The following DST variants were observed in gnomAD, a reference collection of about 807,000 sequenced individuals.
DST encodes the protein bullous pemphigoid antigen.
In DST, 253 loss-of-function variants were observed where a neutral mutation model predicts 875.2. The ratio of observed to expected loss-of-function variants is 0.29; its 90% CI spans 0.26 to 0.32. The LOEUF (loss-of-function observed/expected upper bound fraction) is 0.32. Among genes scored for constraint, DST ranks in the 10% least tolerant of loss-of-function variants. DST has a pLI of 1.00. For synonymous variants in DST, 3,124 were observed against 3,197.1 expected, an observed-to-expected ratio of 0.98 and a Z score of 0.77; for missense variants, 8,287 against 9,111.6, an observed-to-expected ratio of 0.91 and a Z score of 3.68.
chr6:56,692,690 C>A lies in DST; in HGVS notation c.1047+6963G>T, dbSNP rs556043684. ...TCATCTAAATGTTTCTTCCTCTTTG[C>A]GCAATATGGAGTGCTGTCTTTTTCT... On this transcript the variant is annotated intron_variant, in intron 9 of 103. Coordinates refer to ENST00000680361, the MANE Select transcript of DST (RefSeq NM_001374736.1). 3.6e-5 allele frequency: 46 copies of A among 1,289,714 alleles called. 1 individual carries two copies. In the South Asian group the frequency reaches 5.1e-4, roughly 14 times the overall value. The allele number at this position is 1,289,714 out of a possible 1,614,324, so 79.9% of individuals were successfully genotyped here. A position where few individuals can be genotyped will look rare whatever the true frequency, so the allele number is the denominator to read the frequency against.
At chr6:56,764,971 A>AAGGG (rs1165320227) in intron 4 of DST, among the ~76,000 whole-genome samples, 246 of 106,990 alleles carry the variant, frequency 2.3e-3, no homozygotes, top group Non-Finnish European at 3.0e-3. Context: ...GGAAGGAAGA[A>AAGGG]AGGGAGGGAG....
chr6:56,674,530 C>T (rs752255682), intron 9 of DST, among the ~76,000 whole-genome samples: 2 of 152,166 alleles, frequency 1.3e-5, no homozygotes, highest in South Asian at 2.1e-4. Flanking sequence ...CTCCTGACCT[C>T]GGGTGATTCA....
chr6:56,682,522 T>C (rs1158974026), intron 9 of DST, among the ~76,000 whole-genome samples: 3 of 152,182 alleles, frequency 2.0e-5, no homozygotes, highest in East Asian at 1.9e-4. Flanking sequence ...TTACCCCATG[T>C]TTTCCCTTCT....
At chr6:56,804,671 T>C (rs2153026819) in intron 4 of DST, among the ~76,000 whole-genome samples, 1 of 152,206 alleles carries the variant, frequency 6.6e-6, no homozygotes, top group African/African-American at 2.4e-5. Context: ...GAAATGAACA[T>C]AACTGTATTA....
intron 4 of DST, among the ~76,000 whole-genome samples, chr6:56,820,665 A>G (rs1419280638): frequency 6.6e-6 from 1 of 152,162 alleles, no homozygotes; most frequent in Non-Finnish European, 1.5e-5. Flanking sequence ...CACACCAGAA[A>G]ATGAAAAACT....
At chr6:56,938,135 TA>T (rs35166231) in intron 2 of DST, among the ~76,000 whole-genome samples, 22,971 of 147,690 alleles carry the variant, frequency 0.16, 2,044 homozygotes, top group Middle Eastern at 0.26. Flanking sequence ...TATATATGTT[TA>T]AAAAAAAATT....
intron 4 of DST, among the ~76,000 whole-genome samples, chr6:56,814,077 C>G (rs1325946791): frequency 6.6e-6 from 1 of 151,756 alleles, no homozygotes; most frequent in Admixed American, 6.6e-5. Context: ...CATTGATTCT[C>G]AAAGAGAAAA....
intron 4 of DST, chr6:56,843,717 G>C (rs1428335353): frequency 5.5e-6 from 2 of 366,616 alleles, no homozygotes; most frequent in East Asian, 3.3e-4. Flanking sequence ...GAGGGTGGAG[G>C]GTGGAGGGTG....
intron 4 of DST, among the ~76,000 whole-genome samples, chr6:56,774,113 C>CAAAAAAAAAA (rs59394529): frequency 7.9e-5 from 6 of 76,174 alleles, no homozygotes; most frequent in African/African-American, 2.2e-4. Flanking sequence ...GATTCTGTCT[C>CAAAAAAAAAA]AAAAAAAAAA....
At chr6:56,884,617 C>T (rs1033007593) in intron 3 of DST, among the ~76,000 whole-genome samples, 4 of 152,058 alleles carry the variant, frequency 2.6e-5, no homozygotes, top group South Asian at 2.1e-4. Flanking sequence ...TTCATCATTC[C>T]TTCTTCCTTC....
At position 56,604,545 on chromosome 6, in the gene DST, G is replaced by A. The variant is rs1476115442; in HGVS notation, c.10083C>T (p.Ser3361=). The change falls in exon 40 of 104, where the codon AGC becomes AGT. Residue 3361 remains serine (S), a synonymous_variant. Coordinates refer to ENST00000680361, the MANE Select transcript of DST (RefSeq NM_001374736.1). ...FVEDVKDILK[S]RLKEGHMNPQ... The stretch of plus-strand genomic sequence containing the variant: ...GGTTCATATGACCTTCTTTCAACCT[G>A]CTTTTTAAGATATCCTTTACATCCT... 9 of 1,612,238 alleles carry A rather than the reference G, an allele frequency of 5.6e-6. No homozygotes were observed. Among genetic ancestry groups the A allele is most frequent in the Non-Finnish European group, 6.8e-6 (8 of 1,179,018 alleles).
At chr6:56,764,941 AG>A (rs1268399377) in intron 4 of DST, among the ~76,000 whole-genome samples, 2 of 124,938 alleles carry the variant, frequency 1.6e-5, no homozygotes, top group Admixed American at 2.0e-4. Context: ...TGGGTGACAG[AG>A]TGAGACTCCA....
chr6:56,906,268 C>T (rs894890062), intron 2 of DST, among the ~76,000 whole-genome samples: 2 of 152,162 alleles, frequency 1.3e-5, no homozygotes, highest in African/African-American at 2.4e-5. Flanking sequence ...TAGGCAGATA[C>T]TCAGGGTACA....
intron 36 of DST, chr6:56,616,726 G>A: frequency 1.2e-6 from 2 of 1,614,102 alleles, no homozygotes; most frequent in Non-Finnish European, 1.7e-6. Flanking sequence ...TGGCAATCTG[G>A]GCTTCCAAGA....
At chr6:56,902,639 C>T (rs1794652937) in intron 2 of DST, among the ~76,000 whole-genome samples, 1 of 152,238 alleles carries the variant, frequency 6.6e-6, no homozygotes, top group African/African-American at 2.4e-5. Flanking sequence ...CCTAATCCAT[C>T]CGCAAATACT....
At chr6:56,859,757 A>G (rs1456772508) in intron 3 of DST, among the ~76,000 whole-genome samples, 1 of 152,232 alleles carries the variant, frequency 6.6e-6, no homozygotes, top group Non-Finnish European at 1.5e-5. Flanking sequence ...CAAAATCGCC[A>G]ATTTATAATT....
chr6:56,752,546 T>C (rs980164753), intron 4 of DST, among the ~76,000 whole-genome samples: 1 of 152,168 alleles, frequency 6.6e-6, no homozygotes, highest in Admixed American at 6.5e-5. Flanking sequence ...TTAGCTCTGG[T>C]TGTTCTATGT....
At chr6:56,758,306 A>G (rs1217253820) in intron 4 of DST, among the ~76,000 whole-genome samples, 1 of 152,214 alleles carries the variant, frequency 6.6e-6, no homozygotes, top group Non-Finnish European at 1.5e-5. Flanking sequence ...AGGGGAATAC[A>G]GTGCCTTTTT....
chr6:56,546,476 GAA>G (rs564177169), intron 61 of DST, among the ~76,000 whole-genome samples: 1 of 126,390 alleles, frequency 7.9e-6, no homozygotes, highest in Non-Finnish European at 1.7e-5. Context: ...TTTCTTCAGA[GAA>G]AAAAAAAAAC....
Sources: allele counts gnomAD v4.1 joint callset (sites outside exome capture counted in the v4.1 genomes callset), GRCh38; gene constraint gnomAD v4.1.1; transcripts MANE v1.5; gene names NCBI Gene and HGNC (gene_info 2026-07-23, HGNC 2026-07-21).